ACBD6: variants seen among roughly 807,000 people sequenced by gnomAD.
The protein encoded by ACBD6 is acyl-CoA-binding domain-containing protein 6.
ACBD6 carries 28 observed loss-of-function variants against 37.2 expected under a neutral mutation model. The observed-to-expected ratio is 0.75, with a 90% CI of 0.56 to 1.03. The LOEUF is 1.03. Ranked by LOEUF, ACBD6 falls within the 50% of genes least tolerant of loss-of-function variation. The pLI is 0.00. For missense variants in ACBD6, 340 were observed against 337.4 expected (o/e 1.01, Z -0.06); for synonymous variants, 113 against 126.8 (o/e 0.89, Z 0.73).
At chr1:180,421,304 T>A (rs1472668088) in intron 4 of ACBD6, among the ~76,000 whole-genome samples, 1 of 152,218 alleles carries the variant, frequency 6.6e-6, no homozygotes, top group Admixed American at 6.5e-5. Context: ...ACTAAGGACA[T>A]TGGCTTCCAA....
At chr1:180,374,266 C>T (rs1653357160) in intron 6 of ACBD6, among the ~76,000 whole-genome samples, 1 of 152,172 alleles carries the variant, frequency 6.6e-6, no homozygotes, top group South Asian at 2.1e-4. Flanking sequence ...CCTCTCCCCC[C>T]TTACACTCAC....
chr1:180,367,693 C>T (rs1233008639), intron 6 of ACBD6, among the ~76,000 whole-genome samples: 2 of 152,160 alleles, frequency 1.3e-5, no homozygotes, highest in Non-Finnish European at 2.9e-5. Context: ...CCTCCAGCTC[C>T]ATCCACGTTC....
downstream of ACBD6, among the ~76,000 whole-genome samples, chr1:180,284,461 T>TC (rs1649410214): frequency 6.6e-6 from 1 of 152,042 alleles, no homozygotes; most frequent in Admixed American, 6.6e-5. Flanking sequence ...CCTCCCGAGT[T>TC]CAAGTGATTC....
At chr1:180,285,291 T>C (rs1446222142), downstream of ACBD6, among the ~76,000 whole-genome samples, 5 of 152,118 alleles carry the variant, frequency 3.3e-5, no homozygotes, top group African/African-American at 1.2e-4. Context: ...GCCATCCAAT[T>C]TTGGATATGT....
downstream of ACBD6, among the ~76,000 whole-genome samples, chr1:180,285,262 T>C (rs10913960): frequency 0.025 from 3,758 of 152,314 alleles, 366 homozygotes; most frequent in East Asian, 0.3. Flanking sequence ...TGAACTACGA[T>C]ATGCCATTGT....
At chr1:180,350,024 T>C (rs1440955437) in intron 6 of ACBD6, among the ~76,000 whole-genome samples, 69 of 2,650 alleles carry the variant, frequency 0.026, no homozygotes, top group African/African-American at 0.037. Context: ...CCAGTGACCC[T>C]TTTTTTTTTT....
At position 180,471,288 on chromosome 1, in the gene ACBD6, C is replaced by T. The variant is rs56081661; in HGVS notation, c.384+20981G>A. ...TGGTAGCATGTGGCTGTAGTACCAGCTACTCGAGAAGCTGAGGTGGGAGGA... is the reference window on the plus strand; with the variant it reads ...TGGTAGCATGTGGCTGTAGTACCAGTTACTCGAGAAGCTGAGGTGGGAGGA... On this transcript the variant is annotated intron_variant, in intron 3 of 7. Coordinates refer to ENST00000367595, the MANE Select transcript of ACBD6 (RefSeq NM_032360.4). 6.7e-3 allele frequency among the ~76,000 whole-genome samples: 1,012 copies of T among 151,924 alleles called. 17 individuals are homozygous for T. The highest frequency in any genetic ancestry group is 0.023 in the African/African-American group (966 of 41,428).
At chr1:180,325,057 A>G (rs1261776024) in intron 6 of ACBD6, among the ~76,000 whole-genome samples, 1 of 151,928 alleles carries the variant, frequency 6.6e-6, no homozygotes, top group Non-Finnish European at 1.5e-5. Context: ...TGGGAGCTTG[A>G]TTATTAAATG....
At chr1:180,414,075 C>CACT (rs1647979068) in intron 4 of ACBD6, among the ~76,000 whole-genome samples, 1 of 152,178 alleles carries the variant, frequency 6.6e-6, no homozygotes, top group African/African-American at 2.4e-5. Context: ...CAGCTGCAGT[C>CACT]TATTCCAAAA....
chr1:180,502,198 G>T lies in ACBD6; in HGVS notation c.69C>A (p.Asp23Glu). The T allele has an allele frequency of 1.2e-6, 2 of 1,614,016 alleles. No homozygotes were observed. Among genetic ancestry groups the T allele is most frequent in the Non-Finnish European group, 1.7e-6 (2 of 1,180,024 alleles). Reference sequence around the variant, plus strand: ...GGGGGAACTCCACCTCCCCGGAGTCGTCCCCTGAGCTCAGCTCTCCACCGC... The same window carrying T: ...GGGGGAACTCCACCTCCCCGGAGTCTTCCCCTGAGCTCAGCTCTCCACCGC... ...GDSGGELSSG[D>E]DSGEVEFPHS... The change falls in exon 1 of 8, where the codon GAC becomes GAA. Residue 23 changes from aspartate (D) to glutamate (E), a missense_variant. Transcript: ENST00000367595.
chr1:180,494,937 T>C (rs1001276657), intron 2 of ACBD6, among the ~76,000 whole-genome samples: 1 of 152,240 alleles, frequency 6.6e-6, no homozygotes, highest in African/African-American at 2.4e-5. Flanking sequence ...TATCTGGTTT[T>C]GGCTTTTCAC....
At chr1:180,497,532 T>C (rs1651785441) in intron 1 of ACBD6, among the ~76,000 whole-genome samples, 1 of 152,216 alleles carries the variant, frequency 6.6e-6, no homozygotes, top group South Asian at 2.1e-4. Context: ...CCATCATTTA[T>C]ATGGGTTATA....
chr1:180,331,336 A>G (rs936989618), intron 6 of ACBD6, among the ~76,000 whole-genome samples: 1 of 152,232 alleles, frequency 6.6e-6, no homozygotes, highest in Non-Finnish European at 1.5e-5. Context: ...TAACCCCATC[A>G]GGTTACCAAA....
At chr1:180,433,696 T>C (rs572873172) in intron 3 of ACBD6, among the ~76,000 whole-genome samples, 88 of 152,200 alleles carry the variant, frequency 5.8e-4, no homozygotes, top group Non-Finnish European at 1.0e-3. Context: ...TTCTAACTCC[T>C]ATTGCCCTTG....
At chr1:180,358,451 A>AC (rs1322504022) in intron 6 of ACBD6, among the ~76,000 whole-genome samples, 37 of 149,276 alleles carry the variant, frequency 2.5e-4, no homozygotes, top group East Asian at 7.9e-4. Context: ...CAACAACAAA[A>AC]AAAAAAAACC....
intron 7 of ACBD6, among the ~76,000 whole-genome samples, chr1:180,307,682 C>G (rs920212533): frequency 1.3e-5 from 2 of 152,148 alleles, no homozygotes; most frequent in Non-Finnish European, 2.9e-5. Flanking sequence ...AGGCTGGGTA[C>G]AGTGGCTCAT....
intron 3 of ACBD6, among the ~76,000 whole-genome samples, chr1:180,450,233 T>C (rs1283410080): frequency 6.6e-6 from 1 of 152,174 alleles, no homozygotes; most frequent in East Asian, 1.9e-4. Flanking sequence ...AGTGCAAGTA[T>C]AGTGTTCTAA....
intron 3 of ACBD6, among the ~76,000 whole-genome samples, chr1:180,437,791 A>C (rs74132850): frequency 3.2e-4 from 49 of 152,348 alleles, no homozygotes; most frequent in African/African-American, 1.1e-3. Context: ...AATTTGGAAT[A>C]AGATGGTTAG....
chr1:180,445,925 A>C (rs1275761688), intron 3 of ACBD6, among the ~76,000 whole-genome samples: 1 of 152,170 alleles, frequency 6.6e-6, no homozygotes, highest in African/African-American at 2.4e-5. Flanking sequence ...ATTACATTAT[A>C]TTACTTCTCC....
Sources: allele counts gnomAD v4.1 joint callset (sites outside exome capture counted in the v4.1 genomes callset), GRCh38; gene constraint gnomAD v4.1.1; transcripts MANE v1.5; gene names NCBI Gene and HGNC (gene_info 2026-07-23, HGNC 2026-07-21).